HERC5: variants seen among roughly 807,000 people sequenced by gnomAD.
The protein encoded by HERC5 is E3 ISG15--protein ligase HERC5.
A neutral mutation model predicts 119.6 loss-of-function variants in HERC5; 99 were observed. The ratio of observed to expected loss-of-function variants is 0.83; its 90% CI spans 0.70 to 0.98. HERC5 has a LOEUF of 0.98. HERC5 is among the 50% of genes least tolerant of loss of function. The pLI, the probability that HERC5 is intolerant of heterozygous loss-of-function variation, is 0.00. For synonymous variants in HERC5, 478 were observed against 445.9 expected (o/e 1.07, Z -0.91); for missense variants, 1,267 against 1,241.3 (o/e 1.02, Z -0.31).
chr4:88,457,605 C>G (rs1740208394), intron 1 of HERC5, 71 bp downstream of exon 1: 1 of 1,217,842 alleles, frequency 8.2e-7, no homozygotes, highest in Non-Finnish European at 1.0e-6. Context: ...GAGGGGCGGG[C>G]AGCCGGGGGT....
chr4:88,474,223 A>C (rs1740974577), intron 11 of HERC5, among the ~76,000 whole-genome samples: 2 of 152,198 alleles, frequency 1.3e-5, no homozygotes, highest in South Asian at 4.1e-4. Flanking sequence ...CCTGGCTTAG[A>C]ATGTAGCCTG....
In HERC5 at chr4:88,499,922, T is replaced by C; in HGVS notation, c.2445-4T>C. The C allele has an allele frequency of 6.3e-7, 1 of 1,597,906 alleles. No homozygotes were observed. The highest frequency in any genetic ancestry group is 8.6e-7 in the Non-Finnish European group (1 of 1,166,194). ...TTTTAAAAGCAAGATTATTTTTTCCTTAGGAATTTGCAAACACTTCTGGAT... is the reference window on the plus strand; with the variant it reads ...TTTTAAAAGCAAGATTATTTTTTCCCTAGGAATTTGCAAACACTTCTGGAT... On this transcript the variant is annotated splice_region_variant and splice_polypyrimidine_tract_variant and intron_variant, in intron 18 of 22. Coordinates refer to ENST00000264350, the MANE Select transcript of HERC5 (RefSeq NM_016323.4).
At chr4:88,475,708 A>G in intron 11 of HERC5, 133 bp from the exon 12 acceptor site, 6 of 767,402 alleles carry the variant, frequency 7.8e-6, no homozygotes. Context: ...CAGGGGTTTT[A>G]GAAAACTCAA....
At chr4:88,468,059 A>T (rs1440031505) in intron 7 of HERC5, 1 of 212,622 alleles carries the variant, frequency 4.7e-6, no homozygotes, top group African/African-American at 2.3e-5. Flanking sequence ...AATTAAACTG[A>T]TAACATTTAG....
intron 14 of HERC5, among the ~76,000 whole-genome samples, 169 bp from the exon 15 acceptor site, chr4:88,486,900 G>T (rs1274198396): frequency 6.6e-6 from 1 of 152,112 alleles, no homozygotes; most frequent in Non-Finnish European, 1.5e-5. Flanking sequence ...ACCTTTCATT[G>T]ATACATATAA....
intron 13 of HERC5, among the ~76,000 whole-genome samples, chr4:88,479,793 C>T (rs1472669072): frequency 2.0e-5 from 3 of 152,022 alleles, no homozygotes; most frequent in Non-Finnish European, 2.9e-5. Flanking sequence ...CTGGGCCGGG[C>T]GCGTTGGCTC....
At chr4:88,462,443 A>T (rs1319234600) in intron 4 of HERC5, 87 bp downstream of exon 4, 4 of 1,099,964 alleles carry the variant, frequency 3.6e-6, no homozygotes, top group Non-Finnish European at 5.4e-6. Flanking sequence ...AATGGTTCAA[A>T]TCTTCACTTT....
At chr4:88,503,611 C>T (rs1742011336) in intron 20 of HERC5, among the ~76,000 whole-genome samples, 1 of 152,122 alleles carries the variant, frequency 6.6e-6, no homozygotes, top group Non-Finnish European at 1.5e-5. Context: ...AGTAAATGTA[C>T]TTTTCTATCC....
chr4:88,489,566 C>T (rs1056668608), intron 16 of HERC5, among the ~76,000 whole-genome samples: 3 of 152,126 alleles, frequency 2.0e-5, no homozygotes, highest in Non-Finnish European at 4.4e-5. Context: ...TCTCCCCACA[C>T]CCTGCTCAGG....
At chr4:88,466,711 C>T (rs2149089224) in intron 6 of HERC5, among the ~76,000 whole-genome samples, 1 of 152,336 alleles carries the variant, frequency 6.6e-6, no homozygotes, top group Non-Finnish European at 1.5e-5. Context: ...TAAGTGGGAA[C>T]TCAACTGAGT....
chr4:88,505,390 T>A (rs975952892), intron 22 of HERC5, among the ~76,000 whole-genome samples: 1 of 152,350 alleles, frequency 6.6e-6, no homozygotes, highest in East Asian at 1.9e-4. Context: ...GGCACTTAAC[T>A]CCATGACACC....
intron 11 of HERC5, among the ~76,000 whole-genome samples, chr4:88,474,918 A>G (rs1017313272): frequency 9.2e-5 from 14 of 152,212 alleles, no homozygotes; most frequent in Admixed American, 7.9e-4. Context: ...TTTTAAACAA[A>G]TGATTACTGT....
At chr4:88,479,863 C>A (rs1016975769) in intron 13 of HERC5, among the ~76,000 whole-genome samples, 2 of 151,950 alleles carry the variant, frequency 1.3e-5, no homozygotes, top group African/African-American at 4.8e-5. Flanking sequence ...GTCAGGAGAT[C>A]GAGACAATCA....
intron 13 of HERC5, among the ~76,000 whole-genome samples, chr4:88,484,707 C>T (rs1741399677): frequency 6.6e-6 from 1 of 152,154 alleles, no homozygotes; most frequent in Admixed American, 6.6e-5. Flanking sequence ...CGGTCTCAGA[C>T]TTGTGGGGAT....
At chr4:88,501,080 T>C in intron 20 of HERC5, 95 bp downstream of exon 20, 1 of 775,090 alleles carries the variant, frequency 1.3e-6, no homozygotes, top group Non-Finnish European at 2.1e-6. Context: ...TTTTTCATTC[T>C]CATTAATCAT....
At chr4:88,475,761 C>A in intron 11 of HERC5, 80 bp from the exon 12 acceptor site, 1 of 1,156,654 alleles carries the variant, frequency 8.6e-7, no homozygotes, top group Non-Finnish European at 1.3e-6. Context: ...CCAGCCTCTA[C>A]ACCTTGTTTT....
At chr4:88,475,210 T>C (rs1741017118) in intron 11 of HERC5, among the ~76,000 whole-genome samples, 1 of 151,522 alleles carries the variant, frequency 6.6e-6, no homozygotes, top group South Asian at 2.1e-4. Context: ...GGTGTGATAG[T>C]GTAAACCAGA....
chr4:88,470,719 C>T, intron 10 of HERC5, 46 bp downstream of exon 10: 1 of 841,528 alleles, frequency 1.2e-6, no homozygotes. Flanking sequence ...ATTAAGAGTA[C>T]CGTGAAAGAG....
chr4:88,463,431 A>G, intron 4 of HERC5, 101 bp from the exon 5 acceptor site: 1 of 720,614 alleles, frequency 1.4e-6, no homozygotes, highest in East Asian at 2.5e-5. Context: ...GAATATCATG[A>G]GAACTGTTGT....
Sources: gnomAD v4.1 joint callset for allele counts (sites outside exome capture counted in the v4.1 genomes callset) on GRCh38, gnomAD v4.1.1 for gene constraint, MANE v1.5 for transcripts, NCBI Gene and HGNC (gene_info 2026-07-23, HGNC 2026-07-21) for gene names.